CD47: variants seen among roughly 807,000 people sequenced by gnomAD.
CD47 encodes the protein leukocyte surface antigen CD47.
A neutral mutation model predicts 44.6 loss-of-function variants in CD47; 11 were observed. That is an observed-to-expected ratio of 0.25 (90% CI 0.16 to 0.41). The LOEUF (loss-of-function observed/expected upper bound fraction) is 0.41. CD47 is among the 10% of genes least tolerant of loss of function. The pLI is 1.00. For missense variants in CD47, 306 were observed against 386.7 expected (o/e 0.79, Z 1.75); for synonymous variants, 140 against 136.3 (o/e 1.03, Z -0.19).
At chr3:108,058,275 AAAGG>A (rs1007145079) in intron 6 of CD47, 58 bp downstream of exon 6, 5 of 927,028 alleles carry the variant, frequency 5.4e-6, no homozygotes, top group African/African-American at 3.5e-5. Context: ...AGAAAAAGAA[AAAGG>A]AAGAAGAGCT....
chr3:108,050,762 G>A (rs2108220984), intron 8 of CD47, 160 bp from the exon 9 acceptor site: 1 of 490,174 alleles, frequency 2.0e-6, no homozygotes. Context: ...GCCTGTAAAT[G>A]TTAAAGCAAA....
At chr3:108,081,321 A>G (rs769592016) in intron 1 of CD47, among the ~76,000 whole-genome samples, 2 of 152,022 alleles carry the variant, frequency 1.3e-5, no homozygotes, top group Non-Finnish European at 2.9e-5. Flanking sequence ...GCCACTCAGC[A>G]ACTCTTTTAC....
intron 7 of CD47, 65 bp downstream of exon 7, chr3:108,057,412 A>G (rs370129089): frequency 2.6e-6 from 2 of 775,948 alleles, no homozygotes; most frequent in East Asian, 2.5e-5. Context: ...ACAAACTAAA[A>G]AGCATTTTCT....
intron 2 of CD47, among the ~76,000 whole-genome samples, chr3:108,071,476 G>C (rs2079201188): frequency 6.6e-6 from 1 of 152,182 alleles, no homozygotes. Flanking sequence ...ACAAGGCTCT[G>C]TGGCCACACT....
rs2078655939 is a variant in CD47, at chr3:108,043,093, G to A, written c.*4195C>T. 2.0e-5 allele frequency: 3 copies of A among 152,154 alleles called. No individual in the cohort carries two copies. The highest frequency in any genetic ancestry group is 2.0e-4 in the Admixed American group (3 of 15,266). 9.4% of individuals were successfully genotyped at this position (152,154 alleles called of 1,614,324 possible). ...TTAAAAAATAATTATGAAACACATTGGACTGATTTAAAACTTTTAATTAAA... is the reference window on the plus strand; with the variant it reads ...TTAAAAAATAATTATGAAACACATTAGACTGATTTAAAACTTTTAATTAAA... On this transcript the variant is annotated 3_prime_UTR_variant, in exon 11 of 11. Coordinates refer to ENST00000361309, the MANE Select transcript of CD47 (RefSeq NM_001777.4).
intron 8 of CD47, 127 bp downstream of exon 8, chr3:108,051,812 C>A (rs747484990): frequency 1.1e-5 from 8 of 759,222 alleles, no homozygotes; most frequent in Non-Finnish European, 1.9e-5. Flanking sequence ...AAAGGTCATG[C>A]AATGACTTCA....
At chr3:108,086,401 G>T (rs1342687694) in intron 1 of CD47, among the ~76,000 whole-genome samples, 2 of 152,130 alleles carry the variant, frequency 1.3e-5, no homozygotes, top group African/African-American at 4.8e-5. Flanking sequence ...ATCAACAGAA[G>T]TTAGTTGTGG....
chr3:108,059,635 T>A (rs2078976550), intron 4 of CD47, 91 bp from the exon 5 acceptor site: 2 of 570,882 alleles, frequency 3.5e-6, no homozygotes, highest in South Asian at 4.2e-5. Context: ...GTGAAAATTT[T>A]AAAAATATAC....
Position 108,070,983 on chromosome 3 carries a change from A to T in CD47, c.490+110T>A, listed in dbSNP as rs1577005467. 8.8e-6 allele frequency: 5 copies of T among 565,460 alleles called. No homozygotes were observed. The East Asian group carries it at 1.5e-4, about 17-fold the overall frequency. 35.0% of individuals were successfully genotyped at this position (565,460 alleles called of 1,614,324 possible). A position where few individuals can be genotyped will look rare whatever the true frequency, so the allele number is the denominator to read the frequency against. On this transcript the variant is annotated intron_variant, in intron 3 of 10. Transcript: ENST00000361309. Reference sequence around the variant, plus strand: ...GTATTCAAATTACATACTCATATTTATCATAATAGCACTTTTCCTAGTACA... The same window carrying T: ...GTATTCAAATTACATACTCATATTTTTCATAATAGCACTTTTCCTAGTACA...
chr3:108,057,665 G>A, intron 6 of CD47, 96 bp from the exon 7 acceptor site: 2 of 618,242 alleles, frequency 3.2e-6, no homozygotes, highest in Non-Finnish European at 5.7e-6. Context: ...TTATTCTAAC[G>A]ATCAAAAAAC....
chr3:108,048,478 G>T (rs1300900209), intron 10 of CD47, among the ~76,000 whole-genome samples: 1 of 140,532 alleles, frequency 7.1e-6, no homozygotes, highest in Non-Finnish European at 1.5e-5. Context: ...TCTGCCTCCC[G>T]GGTTCACGCC....
chr3:108,069,185 T>C (rs1007242707), intron 3 of CD47, among the ~76,000 whole-genome samples: 2 of 152,206 alleles, frequency 1.3e-5, no homozygotes, highest in African/African-American at 2.4e-5. Context: ...TCTTAAAATA[T>C]CTCTGCCAAT....
Position 108,080,383 on chromosome 3 carries a change from A to T in CD47, c.47-39T>A, listed in dbSNP as rs1274187511. 6.7e-6 allele frequency: 7 copies of T among 1,043,820 alleles called. 1 individual carries two copies. The highest frequency in any genetic ancestry group is 3.2e-5 in the African/African-American group (2 of 62,414). 64.7% of individuals were successfully genotyped at this position (1,043,820 alleles called of 1,614,324 possible). A position where few individuals can be genotyped will look rare whatever the true frequency, so the allele number is the denominator to read the frequency against. On this transcript the variant is annotated intron_variant, in intron 1 of 10. Coordinates refer to ENST00000361309, the MANE Select transcript of CD47 (RefSeq NM_001777.4). ...AGAAAAATGTTTCATTAATTATAGA[A>T]GTCTGTACTGTAAGATCTTAGGCAT...
At chr3:108,064,206 C>A (rs756089598) in intron 3 of CD47, among the ~76,000 whole-genome samples, 3 of 152,102 alleles carry the variant, frequency 2.0e-5, no homozygotes, top group African/African-American at 7.2e-5. Flanking sequence ...ACAGTGAACA[C>A]GAAAAGCAAA....
chr3:108,088,119 C>T (rs1158812483), intron 1 of CD47, among the ~76,000 whole-genome samples: 2 of 151,996 alleles, frequency 1.3e-5, no homozygotes, highest in Non-Finnish European at 2.9e-5. Flanking sequence ...TAGGCAGAAA[C>T]CTAAGACAGG....
intron 2 of CD47, among the ~76,000 whole-genome samples, chr3:108,078,352 T>C (rs544807455): frequency 6.6e-6 from 1 of 152,186 alleles, no homozygotes; most frequent in Non-Finnish European, 1.5e-5. Context: ...AAACTGTTTT[T>C]ATCTCAGATC....
intron 3 of CD47, among the ~76,000 whole-genome samples, chr3:108,070,310 G>A (rs2079177135): frequency 6.6e-6 from 1 of 152,118 alleles, no homozygotes; most frequent in African/African-American, 2.4e-5. Context: ...GATGCTACAA[G>A]GAAAGAAGGA....
intron 1 of CD47, among the ~76,000 whole-genome samples, chr3:108,089,541 C>A (rs148489443): frequency 2.5e-4 from 38 of 152,240 alleles, no homozygotes; most frequent in African/African-American, 8.9e-4. Flanking sequence ...TGCGATTATA[C>A]AACACATCTC....
At position 108,044,193 on chromosome 3, in the gene CD47, G is replaced by A. The variant is rs2271054; in HGVS notation, c.*3095C>T. 19,801 of 152,476 alleles carry A rather than the reference G, an allele frequency of 0.13. 1,562 individuals carry two copies. The highest frequency in any genetic ancestry group is 0.2 in the Middle Eastern group (60 of 294). 9.4% of individuals were successfully genotyped at this position (152,476 alleles called of 1,614,324 possible). ...CAGCTTAATTTTTATTACTGAGATG[G>A]AGGAGTAAACTTATCGTGTTTTGAG... On this transcript the variant is annotated 3_prime_UTR_variant, in exon 11 of 11. Coordinates refer to ENST00000361309, the MANE Select transcript of CD47 (RefSeq NM_001777.4).
Sources: gnomAD v4.1 joint callset for allele counts (sites outside exome capture counted in the v4.1 genomes callset) on GRCh38, gnomAD v4.1.1 for gene constraint, MANE v1.5 for transcripts, NCBI Gene and HGNC (gene_info 2026-07-23, HGNC 2026-07-21) for gene names.